Variants in ABCC5 observed in about 807,000 individuals in gnomAD.
ABCC5 encodes the protein ATP-binding cassette sub-family C member 5.
Under a neutral mutation model 160.9 loss-of-function variants are expected in ABCC5, and 61 were observed. The ratio of observed to expected loss-of-function variants is 0.38; its 90% confidence interval spans 0.31 to 0.47. ABCC5 has a LOEUF of 0.47. ABCC5 is among the 20% of genes least tolerant of loss of function. The pLI is 0.99. For missense variants in ABCC5, 1,308 were observed against 1,813.3 expected, an observed-to-expected ratio of 0.72 and a Z score of 5.06; for synonymous variants, 666 against 700.6, an observed-to-expected ratio of 0.95 and a Z score of 0.78.
Position 183,951,010 on chromosome 3 carries a change from G to A in ABCC5, c.2944+431C>T, listed in dbSNP as rs1318152240. Among the ~76,000 whole-genome samples the A allele has an allele frequency of 1.3e-5, 2 of 152,176 alleles. No homozygotes were observed. The highest frequency in any genetic ancestry group is 2.9e-5 in the Non-Finnish European group (2 of 68,036). On this transcript the variant is annotated intron_variant, in intron 20 of 29. Transcript: ENST00000334444. This position sits in a 1 kb window ranked among gnomAD's most constrained non-coding sequence, Gnocchi z 4.7. ...TGACAGGCCTGCTGCGGGGATTAAG[G>A]TAACATGCATAAAACACTGAGCATG...
intron 2 of ABCC5, among the ~76,000 whole-genome samples, chr3:183,992,230 C>T (rs1330981154): frequency 1.3e-5 from 2 of 152,132 alleles, no homozygotes; most frequent in Admixed American, 6.6e-5. Context: ...AAACATCAAA[C>T]GGGCATGACA....
rs1188279756 is a variant in ABCC5, at chr3:183,982,301, G to C, written c.999+150C>G. The C allele has an allele frequency of 1.8e-5, 16 of 873,816 alleles. No homozygotes were observed. The East Asian group carries it at 4.3e-4, about 23-fold the overall frequency. The allele number at this position is 873,816 out of a possible 1,614,324, so 54.1% of individuals were successfully genotyped here. On this transcript the variant is annotated intron_variant, in intron 7 of 29. Transcript: ENST00000334444. The surrounding 1 kb of genome is among the most constrained non-coding windows in gnomAD (Gnocchi z 5.2). ...CTCAAGTCAAAATTCTGTCCCTATA[G>C]AGCAAGCACTATCGAGCTCTAGATT...
chr3:183,959,540 C>T (rs1187078888), intron 17 of ABCC5, among the ~76,000 whole-genome samples, 193 bp downstream of exon 17: 2 of 152,158 alleles, frequency 1.3e-5, no homozygotes, highest in African/African-American at 2.4e-5. Context: ...TCTTACTGCC[C>T]TGGTCTGTTT....
chr3:183,980,500 A>T (rs2108850910), intron 8 of ABCC5, among the ~76,000 whole-genome samples: 1 of 152,334 alleles, frequency 6.6e-6, no homozygotes, highest in African/African-American at 2.4e-5. Context: ...GTCCATTCAG[A>T]ATCCATTTGT....
intron 17 of ABCC5, among the ~76,000 whole-genome samples, chr3:183,956,648 G>T (rs79454012): frequency 2.7e-4 from 35 of 130,546 alleles, no homozygotes; most frequent in Admixed American, 6.2e-4. Flanking sequence ...AAATCACATC[G>T]GTTACATGCA....
Position 183,978,650 on chromosome 3 carries a change from T to A in ABCC5, c.1149A>T (p.Lys383Asn). ...WVKAFSQSVQ[K>N]IREEERRILE... is the part of the protein sequence containing the mutation. The stretch of plus-strand genomic sequence containing the variant: ...ATATCCGACGCTCCTCCTCGCGGAT[T>A]TCTATGAATAAAAAGCAAGCCAATT... Residue 383 changes from lysine (K) to asparagine (N), a missense_variant and splice_region_variant, in exon 9 of 30, where the codon AAA becomes AAT. Physicochemically the swap from Lys to Asn is moderately conservative, Grantham distance 94 (BLOSUM62 0). Coordinates refer to ENST00000334444, the MANE Select transcript of ABCC5 (RefSeq NM_005688.4). 2 of 1,612,330 alleles carry A rather than the reference T, an allele frequency of 1.2e-6. No homozygotes were observed. The highest frequency in any genetic ancestry group is 1.7e-6 in the Non-Finnish European group (2 of 1,179,394).
chr3:183,977,717 G>C, intron 9 of ABCC5, 93 bp from the exon 10 acceptor site: 2 of 828,706 alleles, frequency 2.4e-6, no homozygotes, highest in Non-Finnish European at 3.8e-6. Flanking sequence ...CGCTAGGAAG[G>C]CTGCAACTTC....
chr3:183,984,711 A>G, intron 5 of ABCC5: 1 of 1,525,142 alleles, frequency 6.6e-7, no homozygotes, highest in Admixed American at 2.0e-5. Flanking sequence ...CACTGTATAC[A>G]GCCGGGTTGC....
intron 12 of ABCC5, among the ~76,000 whole-genome samples, chr3:183,966,716 T>C (rs1320491548): frequency 6.7e-6 from 1 of 150,308 alleles, no homozygotes; most frequent in Non-Finnish European, 1.5e-5. Context: ...CACTGGAGAG[T>C]GTCATAAAGC....
intron 2 of ABCC5, among the ~76,000 whole-genome samples, chr3:184,009,140 C>T (rs376293702): frequency 3.3e-5 from 5 of 152,328 alleles, no homozygotes; most frequent in Admixed American, 6.5e-5. Flanking sequence ...GCTGGGACTA[C>T]AGGCGTGAGG....
intron 2 of ABCC5, among the ~76,000 whole-genome samples, chr3:184,003,703 A>G (rs1057175877): frequency 9.2e-5 from 14 of 152,192 alleles, no homozygotes; most frequent in African/African-American, 3.1e-4. Context: ...CCACAGTAAA[A>G]CAGGTATTTG....
At chr3:183,955,185 G>A (rs978079190) in intron 17 of ABCC5, among the ~76,000 whole-genome samples, 5 of 152,112 alleles carry the variant, frequency 3.3e-5, no homozygotes, top group Non-Finnish European at 5.9e-5. Flanking sequence ...GATTCTCTAC[G>A]TAATGCAGAA....
At chr3:183,965,571 C>A (rs1717143195) in intron 12 of ABCC5, 70 bp from the exon 13 acceptor site, 1 of 1,588,400 alleles carries the variant, frequency 6.3e-7, no homozygotes, top group South Asian at 1.1e-5. Context: ...GGAACCCCCA[C>A]CTTCCACAAT....
chr3:183,951,089 T>G lies in ABCC5; in HGVS notation c.2944+352A>C, dbSNP rs953273312. 1.3e-5 allele frequency among the ~76,000 whole-genome samples: 2 copies of G among 152,176 alleles called. No individual in the cohort carries two copies. The highest frequency in any genetic ancestry group is 4.8e-5 in the African/African-American group (2 of 41,446). On this transcript the variant is annotated intron_variant, in intron 20 of 29. Transcript: ENST00000334444. This position sits in a 1 kb window ranked among gnomAD's most constrained non-coding sequence, Gnocchi z 4.7. ...AATGTCAGGGGCTTTACTGTTACTC[T>G]GAACTGTGGGGGTACAGTATTTCAG...
At chr3:183,947,549 T>G in intron 22 of ABCC5, 39 bp from the exon 23 acceptor site, 1 of 1,511,934 alleles carries the variant, frequency 6.6e-7, no homozygotes, top group Non-Finnish European at 9.0e-7. Flanking sequence ...AAGAAAGTAC[T>G]ACACAACCCC....
intron 5 of ABCC5, chr3:183,984,851 T>G (rs1719060064): frequency 6.3e-7 from 1 of 1,587,754 alleles, no homozygotes; most frequent in Admixed American, 1.7e-5. Context: ...GTGAAGCCTG[T>G]TCCCACACAC....
intron 1 of ABCC5, among the ~76,000 whole-genome samples, chr3:184,015,043 G>A (rs931828324): frequency 6.6e-6 from 1 of 152,002 alleles, no homozygotes; most frequent in African/African-American, 2.4e-5. Context: ...TACTGAAAAT[G>A]TTCTAAAACT....
chr3:183,987,582 G>T lies in ABCC5; in HGVS notation c.591+188C>A. 1.4e-6 allele frequency: 1 copy of T among 731,726 alleles called. No homozygotes were observed. Among genetic ancestry groups the T allele is most frequent in the Non-Finnish European group, 2.3e-6 (1 of 432,284 alleles). The allele number at this position is 731,726 out of a possible 1,614,324, so 45.3% of individuals were successfully genotyped here. A position where few individuals can be genotyped will look rare whatever the true frequency, so the allele number is the denominator to read the frequency against. On this transcript the variant is annotated intron_variant, in intron 5 of 29. Transcript: ENST00000334444. This position sits in a 1 kb window ranked among gnomAD's most constrained non-coding sequence, Gnocchi z 4.2. ...ATCAAGCCAGTTCCATTTCTTCTCT[G>T]GCAACACTGCCCTTTCATCCTTCCA...
intron 11 of ABCC5, among the ~76,000 whole-genome samples, chr3:183,968,331 A>G: frequency 6.6e-6 from 1 of 152,046 alleles, no homozygotes; most frequent in Non-Finnish European, 1.5e-5. Flanking sequence ...GCTCGTCTCA[A>G]ACTCCTGGCC....
Sources: gnomAD v4.1 joint callset for allele counts (sites outside exome capture counted in the v4.1 genomes callset) on GRCh38, gnomAD v4.1.1 for gene constraint, Gnocchi (gnomAD v3.1) non-coding constraint, MANE v1.5 for transcripts, NCBI Gene and HGNC (gene_info 2026-07-23, HGNC 2026-07-21) for gene names.